The following SGO2 variants were observed in gnomAD, a reference collection of about 807,000 sequenced individuals.
The protein encoded by SGO2 is shugoshin 2.
In SGO2, 68 loss-of-function variants were observed where a neutral mutation model predicts 99.5. The observed-to-expected ratio is 0.68, with a 90% CI of 0.56 to 0.84. The LOEUF is 0.84. Among genes scored for constraint, SGO2 ranks in the 40% least tolerant of loss-of-function variants. SGO2 has a pLI of 0.00. For synonymous variants in SGO2, 457 were observed against 487.1 expected, an observed-to-expected ratio of 0.94 and a Z score of 0.81; for missense variants, 1,350 against 1,436.7, an observed-to-expected ratio of 0.94 and a Z score of 0.97.
chr2:200,572,489 A>C lies in SGO2; in HGVS notation c.2143A>C (p.Lys715Gln), dbSNP rs757728530. 73 of 1,612,998 alleles carry C rather than the reference A, an allele frequency of 4.5e-5. No individual in the cohort carries two copies. Among genetic ancestry groups the C allele is most frequent in the Non-Finnish European group, 5.1e-6 (6 of 1,179,374 alleles). ...AAAAGTTAATAAGAAGCTTAGGCAG[A>C]AAGTAAATCGGAAGACAGAAATAAT... ...ESKVNKKLRQ[K>Q]VNRKTEIISE... The change falls in exon 7 of 9, where the codon AAA (lysine) becomes CAA (glutamine). Residue 715 changes from lysine to glutamine, a missense_variant. Physicochemically the swap from Lys to Gln is moderately conservative, Grantham distance 53 (BLOSUM62 1). Transcript: ENST00000357799.
Position 200,573,271 on chromosome 2 carries a change from A to C in SGO2, c.2925A>C (p.Gln975His), listed in dbSNP as rs1446234010. The C allele has an allele frequency of 3.1e-6, 5 of 1,600,778 alleles. No individual in the cohort carries two copies. In the African/African-American group the frequency reaches 6.8e-5, roughly 22 times the overall value. ...VNSNEKESCD[Q>H]ILDSYKVVKK... ...GTAATGAAAAGGAAAGTTGTGATCA[A>C]ATTTTAGATTCCTACAAAGTAGTTA... Residue 975 changes from glutamine to histidine, a missense_variant, in exon 7 of 9, where the codon CAA (glutamine) becomes CAC (histidine). Transcript: ENST00000357799.
intron 5 of SGO2, among the ~76,000 whole-genome samples, chr2:200,553,524 C>G (rs1267535811): frequency 6.6e-6 from 1 of 152,142 alleles, no homozygotes; most frequent in African/African-American, 2.4e-5. Context: ...AGACTAGAAT[C>G]CAATAACAGG....
chr2:200,543,366 A>AT (rs2032056773), intron 5 of SGO2: 1 of 152,186 alleles, frequency 6.6e-6, no homozygotes, highest in South Asian at 2.1e-4. Flanking sequence ...CACAATTCTC[A>AT]TTTTTTATTA....
chr2:200,583,570 TG>T lies in SGO2; in HGVS notation c.*107del. 1 of 1,054,868 alleles carries T rather than the reference TG, an allele frequency of 9.5e-7. No individual in the cohort carries two copies. Among genetic ancestry groups the T allele is most frequent in the Non-Finnish European group, 1.4e-6 (1 of 739,788 alleles). 65.3% of individuals were successfully genotyped at this position (1,054,868 alleles called of 1,614,324 possible). On this transcript the variant is annotated 3_prime_UTR_variant, in exon 9 of 9. Coordinates refer to ENST00000357799, the MANE Select transcript of SGO2 (RefSeq NM_152524.6). The stretch of plus-strand genomic sequence containing the variant: ...ATGCTTAATGAAAAGGTTTTTTTTT[TG>T]TTTCTTTGGCCTTTCATGGAGTGTT...
At chr2:200,533,211 G>T in intron 2 of SGO2, 103 bp downstream of exon 2, 1 of 1,286,088 alleles carries the variant, frequency 7.8e-7, no homozygotes, top group South Asian at 1.6e-5. Context: ...TTACTAAAAT[G>T]ACCATTTTGT....
intron 5 of SGO2, among the ~76,000 whole-genome samples, chr2:200,560,359 G>A (rs2032890731): frequency 6.6e-6 from 1 of 151,912 alleles, no homozygotes; most frequent in African/African-American, 2.4e-5. Flanking sequence ...TATTTAAAAT[G>A]CTATATAAGT....
chr2:200,579,020 G>C (rs1156885016), intron 8 of SGO2, among the ~76,000 whole-genome samples: 1 of 152,142 alleles, frequency 6.6e-6, no homozygotes, highest in Non-Finnish European at 1.5e-5. Context: ...CCATCCACTA[G>C]ATGTCAGTAG....
intron 1 of SGO2, among the ~76,000 whole-genome samples, chr2:200,531,543 G>A (rs1256564019): frequency 6.6e-6 from 1 of 152,094 alleles, no homozygotes; most frequent in Non-Finnish European, 1.5e-5. Flanking sequence ...AGAAGATGAA[G>A]GGAACATTCA....
intron 5 of SGO2, among the ~76,000 whole-genome samples, chr2:200,560,285 CTTTG>C (rs1254248064): frequency 3.9e-5 from 6 of 152,048 alleles, no homozygotes; most frequent in Non-Finnish European, 7.4e-5. Flanking sequence ...TTGAAGTCTA[CTTTG>C]TTTGTTATAA....
Position 200,583,559 on chromosome 2 carries a change from G to GT in SGO2, c.*95_*96insT. ...AAGAAGATGAAATGCTTAATGAAAA[G>GT]GTTTTTTTTTTGTTTCTTTGGCCTT... is the stretch of plus-strand genomic sequence containing the variant. On this transcript the variant is annotated 3_prime_UTR_variant, in exon 9 of 9. Transcript: ENST00000357799. 8.3e-7 allele frequency: 1 copy of GT among 1,211,262 alleles called. No homozygotes were observed. The highest frequency in any genetic ancestry group is 1.1e-6 in the Non-Finnish European group (1 of 877,760). 75.0% of individuals were successfully genotyped at this position (1,211,262 alleles called of 1,614,324 possible).
At chr2:200,576,789 T>C (rs1186578108) in intron 8 of SGO2, among the ~76,000 whole-genome samples, 1 of 152,214 alleles carries the variant, frequency 6.6e-6, no homozygotes, top group Non-Finnish European at 1.5e-5. Context: ...ATGAATGGAA[T>C]AATAGAATAT....
At chr2:200,556,059 G>A (rs1362225463) in intron 5 of SGO2, among the ~76,000 whole-genome samples, 1 of 152,106 alleles carries the variant, frequency 6.6e-6, no homozygotes, top group Non-Finnish European at 1.5e-5. Flanking sequence ...CCACCTCCTG[G>A]GTTCAAGCAA....
chr2:200,582,119 G>GA (rs759068830), intron 8 of SGO2, among the ~76,000 whole-genome samples: 5 of 152,036 alleles, frequency 3.3e-5, no homozygotes, highest in African/African-American at 1.2e-4. Flanking sequence ...CCCTCTTACT[G>GA]AAAAAATAAA....
chr2:200,582,228 CTCAGA>C (rs2106356233), intron 8 of SGO2, among the ~76,000 whole-genome samples: 1 of 152,194 alleles, frequency 6.6e-6, no homozygotes, highest in African/African-American at 2.4e-5. Flanking sequence ...GTAAGAAAAG[CTCAGA>C]TCAAAGATCA....
At chr2:200,557,864 ACT>A (rs2032780591) in intron 5 of SGO2, among the ~76,000 whole-genome samples, 1 of 130,414 alleles carries the variant, frequency 7.7e-6, no homozygotes, top group Non-Finnish European at 1.6e-5. Flanking sequence ...TGCATTGGCT[ACT>A]TTTTTTTTTT....
At chr2:200,562,188 A>G (rs1020889271) in intron 5 of SGO2, among the ~76,000 whole-genome samples, 84 of 152,240 alleles carry the variant, frequency 5.5e-4, no homozygotes, top group African/African-American at 1.9e-3. Flanking sequence ...TTATGGTTTT[A>G]GGTCTAACAT....
At chr2:200,574,466 T>C (rs997078062) in intron 7 of SGO2, among the ~76,000 whole-genome samples, 1 of 152,034 alleles carries the variant, frequency 6.6e-6, no homozygotes, top group African/African-American at 2.4e-5. Flanking sequence ...TCAGATTCCA[T>C]GTATGTAACA....
rs1099020 is a variant in SGO2, at chr2:200,554,271, A to G, written c.473+11607A>G. On this transcript the variant is annotated intron_variant, in intron 5 of 8. Transcript: ENST00000357799. ...GACACTGAAAAACTAAAGATCATCA[A>G]CGTTTCAAGCAAAAAGCCAAAAAAG... Among the ~76,000 whole-genome samples, 651 of 152,260 alleles carry G rather than the reference A, an allele frequency of 4.3e-3. 9 individuals are homozygous for G. Among genetic ancestry groups the G allele is most frequent in the African/African-American group, 0.015 (608 of 41,554 alleles).
chr2:200,561,408 T>G (rs988940026), intron 5 of SGO2, among the ~76,000 whole-genome samples: 1 of 152,198 alleles, frequency 6.6e-6, no homozygotes, highest in African/African-American at 2.4e-5. Flanking sequence ...TATTCCACGG[T>G]GTATATGTGC....
Sources: gnomAD v4.1 joint callset for allele counts (sites outside exome capture counted in the v4.1 genomes callset) on GRCh38, gnomAD v4.1.1 for gene constraint, MANE v1.5 for transcripts, NCBI Gene and HGNC (gene_info 2026-07-23, HGNC 2026-07-21) for gene names.